The following DAB1 variants were observed in gnomAD, a reference collection of about 807,000 sequenced individuals.
DAB1 encodes DAB adaptor protein 1.
A neutral mutation model predicts 64.6 loss-of-function variants in DAB1; 15 were observed. The ratio of observed to expected loss-of-function variants is 0.23; its 90% CI spans 0.16 to 0.36. DAB1 has a LOEUF of 0.36. DAB1 is among the 10% of genes least tolerant of loss of function. The pLI, the probability that DAB1 is intolerant of heterozygous loss-of-function variation, is 1.00. For synonymous variants in DAB1, 235 were observed against 251.9 expected (o/e 0.93, Z 0.64); for missense variants, 596 against 706.7 (o/e 0.84, Z 1.78).
At chr1:57,366,957 G>A (rs1243698967) in intron 1 of DAB1, among the ~76,000 whole-genome samples, 5 of 151,454 alleles carry the variant, frequency 3.3e-5, no homozygotes, top group East Asian at 1.9e-4. Flanking sequence ...CTATAATCCC[G>A]ACACTTTGGG....
intron 3 of DAB1, among the ~76,000 whole-genome samples, chr1:58,498,254 C>A (rs200916263): frequency 8.7e-5 from 13 of 148,716 alleles, no homozygotes; most frequent in South Asian, 4.3e-4. Context: ...AAAAAAAAAA[C>A]AACTTTTTCC....
rs562994772 is a variant in DAB1, at chr1:58,530,042, G to A, written n.33-2707C>T. Among the ~76,000 whole-genome samples the A allele has an allele frequency of 2.0e-4, 31 of 152,182 alleles. No individual in the cohort carries two copies. In the East Asian group the frequency reaches 5.4e-3, roughly 27 times the overall value. ...ACTACAGGCGCCCGCCACAACGCCA[G>A]GCTAATTTTTTTGTATTTTTAGTAG... On this transcript the variant is annotated intron_variant and non_coding_transcript_variant, in intron 1 of 20. Coordinates refer to the DAB1 transcript ENST00000485760.
At chr1:58,432,816 T>C (rs982942645) in intron 3 of DAB1, among the ~76,000 whole-genome samples, 1 of 152,170 alleles carries the variant, frequency 6.6e-6, no homozygotes, top group Non-Finnish European at 1.5e-5. Context: ...TCCCCACTCA[T>C]GGACAGAGGA....
At chr1:57,707,919 C>G (rs140878848) in intron 6 of DAB1, among the ~76,000 whole-genome samples, 1 of 152,076 alleles carries the variant, frequency 6.6e-6, no homozygotes, top group African/African-American at 2.4e-5. Flanking sequence ...GGGAAGAATT[C>G]CCTGGGTTAC....
At chr1:58,482,082 G>T (rs1041042411) in intron 3 of DAB1, among the ~76,000 whole-genome samples, 1 of 152,206 alleles carries the variant, frequency 6.6e-6, no homozygotes, top group African/African-American at 2.4e-5. Flanking sequence ...GTACTATGGG[G>T]CTCAGCTATG....
intron 7 of DAB1, among the ~76,000 whole-genome samples, chr1:57,509,551 C>T (rs1188251285): frequency 6.6e-6 from 1 of 152,150 alleles, no homozygotes; most frequent in African/African-American, 2.4e-5. Context: ...GCCCTGCTCA[C>T]TCCCTCACCC....
intron 6 of DAB1, among the ~76,000 whole-genome samples, chr1:57,712,002 T>C (rs939930082): frequency 6.6e-6 from 1 of 152,226 alleles, no homozygotes; most frequent in Non-Finnish European, 1.5e-5. Flanking sequence ...TATTTTTTTC[T>C]ATATTACTCA....
At chr1:58,499,875 C>T (rs1461368099) in intron 3 of DAB1, among the ~76,000 whole-genome samples, 1 of 151,762 alleles carries the variant, frequency 6.6e-6, no homozygotes, top group African/African-American at 2.4e-5. Context: ...GAAACAACTG[C>T]TAATACACAT....
intron 7 of DAB1, among the ~76,000 whole-genome samples, chr1:57,461,958 T>G (rs922284835): frequency 6.8e-6 from 1 of 146,198 alleles, no homozygotes; most frequent in African/African-American, 2.5e-5. Context: ...TTTTTTTTTT[T>G]TTTTTTTTTT....
intron 4 of DAB1, among the ~76,000 whole-genome samples, chr1:58,243,842 C>T (rs1316786109): frequency 6.6e-6 from 1 of 152,030 alleles, no homozygotes; most frequent in Non-Finnish European, 1.5e-5. Flanking sequence ...CCTTCTGATG[C>T]CTGATAGTAG....
At chr1:57,484,026 G>A (rs938269199) in intron 7 of DAB1, among the ~76,000 whole-genome samples, 3 of 152,194 alleles carry the variant, frequency 2.0e-5, no homozygotes, top group Non-Finnish European at 4.4e-5. Flanking sequence ...ATGCACAAGG[G>A]AGAGGTGGGG....
intron 4 of DAB1, among the ~76,000 whole-genome samples, chr1:58,197,584 T>A (rs1480960914): frequency 6.6e-6 from 1 of 151,818 alleles, no homozygotes; most frequent in Non-Finnish European, 1.5e-5. Context: ...TTAGTAGAGA[T>A]GAGGTTTCAC....
chr1:57,024,503 A>G (rs966970950), intron 10 of DAB1, among the ~76,000 whole-genome samples: 1 of 152,154 alleles, frequency 6.6e-6, no homozygotes, highest in Non-Finnish European at 1.5e-5. Context: ...TAATCCTGAA[A>G]TCATGGCAAT....
At chr1:57,281,003 A>C (rs1367554388) in intron 2 of DAB1, among the ~76,000 whole-genome samples, 1 of 152,214 alleles carries the variant, frequency 6.6e-6, no homozygotes, top group Non-Finnish European at 1.5e-5. Flanking sequence ...AATTTTAGTA[A>C]GTACAGGGTG....
At chr1:57,081,155 C>A (rs540410647) in intron 4 of DAB1, among the ~76,000 whole-genome samples, 140 of 152,280 alleles carry the variant, frequency 9.2e-4, no homozygotes, top group African/African-American at 2.2e-3. Context: ...TGGCCATGAA[C>A]AAGTCACCTT....
intron 2 of DAB1, among the ~76,000 whole-genome samples, chr1:57,218,270 A>G (rs1030437343): frequency 2.6e-5 from 4 of 152,166 alleles, no homozygotes; most frequent in Non-Finnish European, 5.9e-5. Flanking sequence ...TCTATCCACA[A>G]CATCTTCAGT....
chr1:58,306,468 G>A (rs1417289066), intron 4 of DAB1, among the ~76,000 whole-genome samples: 9 of 152,070 alleles, frequency 5.9e-5, no homozygotes, highest in Non-Finnish European at 8.8e-5. Flanking sequence ...CAATTCCTGC[G>A]CTGTTTCCCC....
intron 1 of DAB1, among the ~76,000 whole-genome samples, chr1:57,360,243 GA>G (rs528370746): frequency 0.014 from 2,137 of 150,644 alleles, 35 homozygotes; most frequent in African/African-American, 0.042. Context: ...ATTAAAATTT[GA>G]AAAAAAAATT....
intron 5 of DAB1, among the ~76,000 whole-genome samples, chr1:58,059,388 T>C (rs113715302): frequency 4.1e-4 from 62 of 152,308 alleles, no homozygotes; most frequent in Middle Eastern, 3.4e-3. Context: ...GTTGAGACAA[T>C]TGAATGAGGT....
Sources: allele counts gnomAD v4.1 joint callset (sites outside exome capture counted in the v4.1 genomes callset), GRCh38; gene constraint gnomAD v4.1.1; transcripts MANE v1.5; gene names NCBI Gene and HGNC (gene_info 2026-07-23, HGNC 2026-07-21).